The following LRP1B variants were observed in gnomAD, a reference collection of about 807,000 sequenced individuals.
LRP1B encodes LDL receptor related protein 1B.
LRP1B carries 217 observed loss-of-function variants against 556.6 expected under a neutral mutation model. The observed-to-expected ratio is 0.39, with a 90% confidence interval of 0.35 to 0.44. The LOEUF is 0.44. Ranked by LOEUF, LRP1B falls within the 20% of genes least tolerant of loss-of-function variation. The probability of loss-of-function intolerance (pLI) is 1.00; values close to 1 mark genes in which losing one functional copy is unlikely to be tolerated. For missense variants in LRP1B, 5,053 were observed against 5,620.8 expected, an observed-to-expected ratio of 0.90 and a Z score of 3.23; for synonymous variants, 2,047 against 1,865.8, an observed-to-expected ratio of 1.10 and a Z score of -2.50.
intron 18 of LRP1B, among the ~76,000 whole-genome samples, chr2:140,975,668 G>A (rs953157941): frequency 2.0e-5 from 3 of 152,168 alleles, no homozygotes; most frequent in African/African-American, 7.2e-5. Context: ...AATGGCAAAG[G>A]AGTTGAAAGC....
intron 31 of LRP1B, among the ~76,000 whole-genome samples, chr2:140,820,293 T>C (rs7578023): frequency 0.74 from 112,665 of 152,122 alleles, 44,648 homozygotes; most frequent in East Asian, 0.89. Context: ...ATTAATTTTT[T>C]TAAAAGCACA....
Position 141,593,457 on chromosome 2 carries a change from G to GATTTT in LRP1B, c.206-112925_206-112924insAAAAT, listed in dbSNP as rs1256276968. Among the ~76,000 whole-genome samples the GATTTT allele has an allele frequency of 0.026, 36 of 1,396 alleles. 18 individuals carry two copies. In the Non-Finnish European group the frequency reaches 1, roughly 39 times the overall value. The allele number at this position is 1,396 out of a possible 152,430, so 0.9% of individuals were successfully genotyped here. ...GAAGGGGCCGGGCGCGGTGGCTCAC[G>GATTTT]CCTGTAATCCCAGCACTTTGGGAGG... On this transcript the variant is annotated intron_variant, in intron 2 of 90. Transcript: ENST00000389484.
intron 2 of LRP1B, among the ~76,000 whole-genome samples, chr2:141,532,487 G>A (rs1376096289): frequency 6.7e-6 from 1 of 150,350 alleles, no homozygotes; most frequent in East Asian, 2.0e-4. Context: ...TGATTATAAC[G>A]ACTCACTCAA....
At position 140,449,538 on chromosome 2, in the gene LRP1B, A is replaced by G. The variant is rs558293497; in HGVS notation, c.10057+1030T>C. 5.3e-5 allele frequency among the ~76,000 whole-genome samples: 8 copies of G among 152,270 alleles called. No homozygotes were observed. In the South Asian group the frequency reaches 1.7e-3, roughly 32 times the overall value. On this transcript the variant is annotated intron_variant, in intron 63 of 90. Transcript: ENST00000389484. ...TCTTTCAGAAACAAGATTATATTAG[A>G]AACACAATGACTTTTATAACATTTT...
intron 84 of LRP1B, among the ~76,000 whole-genome samples, chr2:140,295,233 A>G (rs1412832422): frequency 3.3e-5 from 5 of 152,252 alleles, no homozygotes. Context: ...TTGTATTTTC[A>G]TATAAACTTC....
rs1413816166 is a variant in LRP1B, at chr2:141,618,164, T to C, written c.206-137631A>G. The stretch of plus-strand genomic sequence containing the variant: ...CTTGCCCTTAAACAGAAAATTATTG[T>C]CCTTTCTCTGGTGTGCTTTTATTTT... On this transcript the variant is annotated intron_variant, in intron 2 of 90. Coordinates refer to ENST00000389484, the MANE Select transcript of LRP1B (RefSeq NM_018557.3). Among the ~76,000 whole-genome samples, 3 of 152,126 alleles carry C rather than the reference T, an allele frequency of 2.0e-5. No individual in the cohort carries two copies. In the East Asian group the frequency reaches 5.8e-4, roughly 29 times the overall value.
At chr2:141,652,627 T>C (rs1039881441) in intron 2 of LRP1B, among the ~76,000 whole-genome samples, 1 of 152,186 alleles carries the variant, frequency 6.6e-6, no homozygotes, top group African/African-American at 2.4e-5. Flanking sequence ...TTCTGATTCA[T>C]TCACAGGACA....
At chr2:141,304,793 A>G (rs1353235565) in intron 3 of LRP1B, among the ~76,000 whole-genome samples, 3 of 151,814 alleles carry the variant, frequency 2.0e-5, no homozygotes, top group African/African-American at 7.3e-5. Context: ...GAGGCACCAC[A>G]CCCAGTCCAG....
intron 3 of LRP1B, among the ~76,000 whole-genome samples, chr2:141,314,575 A>G (rs998208393): frequency 2.5e-4 from 38 of 151,760 alleles, no homozygotes; most frequent in African/African-American, 8.7e-4. Flanking sequence ...GCGGGTCACC[A>G]GGTCAGGAGA....
intron 84 of LRP1B, among the ~76,000 whole-genome samples, chr2:140,295,685 A>G (rs1683570287): frequency 6.6e-6 from 1 of 152,160 alleles, no homozygotes; most frequent in Non-Finnish European, 1.5e-5. Flanking sequence ...CCTCTTCTGT[A>G]ATGAGACTAA....
At chr2:141,222,132 A>C (rs539921379) in intron 6 of LRP1B, among the ~76,000 whole-genome samples, 1 of 151,724 alleles carries the variant, frequency 6.6e-6, no homozygotes, top group Non-Finnish European at 1.5e-5. Context: ...AAAATCAATA[A>C]AATAGATAGC....
chr2:141,352,287 C>A (rs1289491178), intron 3 of LRP1B, among the ~76,000 whole-genome samples: 1 of 151,808 alleles, frequency 6.6e-6, no homozygotes, highest in African/African-American at 2.4e-5. Flanking sequence ...TGATATACTG[C>A]TGTGTTCTAT....
chr2:140,424,209 A>G (rs1685565841), intron 66 of LRP1B, among the ~76,000 whole-genome samples: 1 of 152,236 alleles, frequency 6.6e-6, no homozygotes, highest in Admixed American at 6.5e-5. Flanking sequence ...AGATCTTTTT[A>G]TCCAGTCAAA....
intron 2 of LRP1B, among the ~76,000 whole-genome samples, chr2:141,584,702 T>C (rs1180061109): frequency 6.6e-6 from 1 of 152,182 alleles, no homozygotes; most frequent in Non-Finnish European, 1.5e-5. Flanking sequence ...TGAGATGATT[T>C]AGGTATAGGT....
intron 2 of LRP1B, among the ~76,000 whole-genome samples, chr2:141,635,047 AAC>A (rs3221098): frequency 6.7e-6 from 1 of 149,924 alleles, no homozygotes; most frequent in African/African-American, 2.5e-5. Flanking sequence ...ACTATAGTGA[AAC>A]ACACACACAC....
At chr2:140,730,566 T>C (rs1395888068) in intron 35 of LRP1B, among the ~76,000 whole-genome samples, 2 of 152,176 alleles carry the variant, frequency 1.3e-5, no homozygotes, top group African/African-American at 4.8e-5. Context: ...TTGTTTTGTT[T>C]TGTTTTGTTT....
At chr2:140,750,518 G>T (rs1688539904) in intron 35 of LRP1B, among the ~76,000 whole-genome samples, 1 of 152,160 alleles carries the variant, frequency 6.6e-6, no homozygotes, top group Non-Finnish European at 1.5e-5. Context: ...CTTTGAGTAA[G>T]ATCACTTTGA....
chr2:141,972,665 C>G (rs1289370873), intron 1 of LRP1B, among the ~76,000 whole-genome samples: 1 of 150,780 alleles, frequency 6.6e-6, no homozygotes, highest in African/African-American at 2.4e-5. Flanking sequence ...GTTTTTTAGA[C>G]GTTGGTTCTG....
chr2:140,326,536 G>GT (rs1680487287), intron 79 of LRP1B, among the ~76,000 whole-genome samples: 1 of 151,988 alleles, frequency 6.6e-6, no homozygotes, highest in African/African-American at 2.4e-5. Flanking sequence ...CCAACATGGT[G>GT]AAACCCTGTC....
Sources: gnomAD v4.1 joint callset for allele counts (sites outside exome capture counted in the v4.1 genomes callset) on GRCh38, gnomAD v4.1.1 for gene constraint, MANE v1.5 for transcripts, NCBI Gene and HGNC (gene_info 2026-07-23, HGNC 2026-07-21) for gene names.